Variants in LAMA2 observed in about 807,000 individuals in gnomAD.
LAMA2 encodes laminin subunit alpha-2.
Under a neutral mutation model 364.8 loss-of-function variants are expected in LAMA2, and 269 were observed. The ratio of observed to expected loss-of-function variants is 0.74; its 90% confidence interval spans 0.67 to 0.82. LAMA2 has a LOEUF of 0.82. LAMA2 is among the 40% of genes least tolerant of loss of function. The probability of loss-of-function intolerance (pLI) is 0.00; values close to 1 mark genes in which losing one functional copy is unlikely to be tolerated. For missense variants in LAMA2, 3,807 were observed against 3,873.2 expected, an observed-to-expected ratio of 0.98 and a Z score of 0.45; for synonymous variants, 1,379 against 1,370.6, an observed-to-expected ratio of 1.01 and a Z score of -0.14.
intron 1 of LAMA2, among the ~76,000 whole-genome samples, chr6:129,020,896 C>T (rs1486730877): frequency 2.6e-5 from 4 of 152,120 alleles, no homozygotes; most frequent in African/African-American, 4.8e-5. Flanking sequence ...CTCCTCAAAG[C>T]GCCATACTTT....
At chr6:129,084,296 G>T (rs547892844) in intron 3 of LAMA2, among the ~76,000 whole-genome samples, 103 of 152,228 alleles carry the variant, frequency 6.8e-4, no homozygotes, top group African/African-American at 2.4e-3. Flanking sequence ...CTCCTAAAAA[G>T]ATTACTGAGA....
At chr6:128,894,208 T>C (rs1337760008) in intron 1 of LAMA2, among the ~76,000 whole-genome samples, 3 of 152,166 alleles carry the variant, frequency 2.0e-5, no homozygotes, top group Non-Finnish European at 2.9e-5. Flanking sequence ...ATTTTACCCA[T>C]GTGTGATGTT....
intron 37 of LAMA2, among the ~76,000 whole-genome samples, chr6:129,400,262 A>G (rs1779894561): frequency 2.0e-5 from 3 of 152,130 alleles, no homozygotes; most frequent in Non-Finnish European, 4.4e-5. Flanking sequence ...TCCTAATCCT[A>G]TCACCTTGAG....
At chr6:129,328,557 A>G (rs1160550562) in intron 29 of LAMA2, 145 bp downstream of exon 29, 1 of 1,351,520 alleles carries the variant, frequency 7.4e-7, no homozygotes, top group African/African-American at 1.4e-5. Flanking sequence ...AAAGATATTC[A>G]CAGATTCTGC....
chr6:128,949,690 C>A (rs1405074379), intron 1 of LAMA2, among the ~76,000 whole-genome samples: 1 of 152,074 alleles, frequency 6.6e-6, no homozygotes, highest in African/African-American at 2.4e-5. Flanking sequence ...AAAACAGATA[C>A]ATTCAGTGAT....
chr6:129,220,875 C>G (rs1225521774), intron 12 of LAMA2, among the ~76,000 whole-genome samples: 2 of 152,090 alleles, frequency 1.3e-5, no homozygotes, highest in Non-Finnish European at 2.9e-5. Context: ...TTAAAACAAA[C>G]TGAGGGCAAG....
At chr6:129,361,783 CTTTT>C (rs66805881) in intron 32 of LAMA2, among the ~76,000 whole-genome samples, 8 of 121,094 alleles carry the variant, frequency 6.6e-5, no homozygotes, top group African/African-American at 2.5e-4. Context: ...TAACAGTAAC[CTTTT>C]TTTTTTTTTT....
At chr6:129,198,800 TA>T (rs1284030806) in intron 12 of LAMA2, among the ~76,000 whole-genome samples, 1 of 151,844 alleles carries the variant, frequency 6.6e-6, no homozygotes, top group African/African-American at 2.4e-5. Context: ...AAATGCAACT[TA>T]AAAAAACTGA....
At chr6:129,127,393 A>G (rs1777181351) in intron 4 of LAMA2, among the ~76,000 whole-genome samples, 1 of 152,224 alleles carries the variant, frequency 6.6e-6, no homozygotes, top group African/African-American at 2.4e-5. Context: ...TTCATCGTGT[A>G]TGTGTACGAC....
chr6:129,037,317 A>C (rs1462633283), intron 1 of LAMA2, among the ~76,000 whole-genome samples: 3 of 152,224 alleles, frequency 2.0e-5, no homozygotes, highest in African/African-American at 7.2e-5. Context: ...AGAGAGAGGA[A>C]GACAGAGAGA....
intron 40 of LAMA2, among the ~76,000 whole-genome samples, chr6:129,422,172 T>A (rs1781105694): frequency 6.6e-6 from 1 of 152,210 alleles, no homozygotes; most frequent in South Asian, 2.1e-4. Flanking sequence ...TGCCTTTCCT[T>A]ATACTATTTC....
chr6:129,252,053 T>G lies in LAMA2; in HGVS notation c.1885-31T>G, dbSNP rs776565667. On this transcript the variant is annotated intron_variant, in intron 13 of 64. Coordinates refer to ENST00000421865, the MANE Select transcript of LAMA2 (RefSeq NM_000426.4). ...TTTTGTACCCTCTTTTCAGTTTTAC[T>G]CTTTTTTATTTCTTTTTTTTCCCCC... The G allele has an allele frequency of 6.7e-6, 10 of 1,495,578 alleles. No individual in the cohort carries two copies. The Admixed American group carries it at 1.7e-4, about 25-fold the overall frequency. The allele number at this position is 1,495,578 out of a possible 1,614,324, so 92.6% of individuals were successfully genotyped here. A position where few individuals can be genotyped will look rare whatever the true frequency, so the allele number is the denominator to read the frequency against.
In LAMA2 at chr6:128,883,827, CACACACACAT is replaced by C. The variant is rs1257672305; in HGVS notation, c.112+472_112+481del. On this transcript the variant is annotated intron_variant, in intron 1 of 64. Coordinates refer to ENST00000421865, the MANE Select transcript of LAMA2 (RefSeq NM_000426.4). ...ACACACACACACACACACACACACA[CACACACACAT>C]ATATATATATATAAAGTTTTACAGA... Among the ~76,000 whole-genome samples the C allele has an allele frequency of 1.5e-3, 178 of 121,298 alleles. 1 individual carries two copies. Among genetic ancestry groups the C allele is most frequent in the Middle Eastern group, 4.4e-3 (1 of 228 alleles). 79.6% of individuals were successfully genotyped at this position (121,298 alleles called of 152,430 possible).
At chr6:129,158,243 C>T (rs549405648) in intron 8 of LAMA2, 27,777 of 1,612,536 alleles carry the variant, frequency 0.017, 162 homozygotes, top group South Asian at 0.022. Flanking sequence ...TAATATCTGC[C>T]GCTATGAAAC....
In LAMA2 at chr6:129,270,676, T is replaced by C. The variant is rs398123370; in HGVS notation, c.2375T>C (p.Phe792Ser). The change falls in exon 17 of 65, where the codon TTC (phenylalanine) becomes TCC (serine). Residue 792 changes from phenylalanine to serine, a missense_variant. This residue lies in a region of LAMA2 where 3,333 missense variants were observed against 3,345.7 expected (regional missense o/e 1.00). Coordinates refer to ENST00000421865, the MANE Select transcript of LAMA2 (RefSeq NM_000426.4). The stretch of plus-strand genomic sequence containing the variant: ...TATTGTGATAAATGTCTTCCTGGTT[T>C]CTATGGCGAGCCTACTAAAGGAACC... ...GPYCDKCLPG[F>S]YGEPTKGTSE... 3.1e-6 allele frequency: 5 copies of C among 1,613,086 alleles called. No individual in the cohort carries two copies. The highest frequency in any genetic ancestry group is 4.2e-6 in the Non-Finnish European group (5 of 1,179,444).
chr6:129,132,070 T>C (rs994012971), intron 4 of LAMA2, among the ~76,000 whole-genome samples: 1 of 152,068 alleles, frequency 6.6e-6, no homozygotes, highest in Non-Finnish European at 1.5e-5. Flanking sequence ...ACCGCAAAAG[T>C]CAGGGGATGA....
chr6:129,428,517 C>A (rs945506970), intron 41 of LAMA2, among the ~76,000 whole-genome samples: 1 of 152,136 alleles, frequency 6.6e-6, no homozygotes, highest in East Asian at 1.9e-4. Flanking sequence ...TGCAGTGGTG[C>A]GATCTTGGCT....
chr6:128,934,992 G>C (rs980927807), intron 1 of LAMA2, among the ~76,000 whole-genome samples: 1 of 151,976 alleles, frequency 6.6e-6, no homozygotes, highest in Non-Finnish European at 1.5e-5. Context: ...ATAGTTTTCA[G>C]TGTACAGATC....
At chr6:128,950,707 A>C (rs2114567120) in intron 1 of LAMA2, among the ~76,000 whole-genome samples, 1 of 152,232 alleles carries the variant, frequency 6.6e-6, no homozygotes, top group East Asian at 1.9e-4. Flanking sequence ...ATAAGGTAAT[A>C]ATAAGTATTG....
Sources: allele counts gnomAD v4.1 joint callset (sites outside exome capture counted in the v4.1 genomes callset), GRCh38; gene constraint gnomAD v4.1.1; regional missense constraint gnomAD v4.1.1; transcripts MANE v1.5; gene names NCBI Gene and HGNC (gene_info 2026-07-23, HGNC 2026-07-21).